Variants in SLCO3A1 observed in about 807,000 individuals in gnomAD.
The protein encoded by SLCO3A1 is PGE1 transporter.
A neutral mutation model predicts 63.1 loss-of-function variants in SLCO3A1; 27 were observed. The ratio of observed to expected loss-of-function variants is 0.43; its 90% CI spans 0.32 to 0.59. The LOEUF is 0.59. Ranked by LOEUF, SLCO3A1 falls within the 20% of genes least tolerant of loss-of-function variation. The probability of loss-of-function intolerance (pLI) is 0.09; values close to 1 mark genes in which losing one functional copy is unlikely to be tolerated. For synonymous variants in SLCO3A1, 473 were observed against 409.9 expected (o/e 1.15, Z -1.86); for missense variants, 773 against 945.8 (o/e 0.82, Z 2.40).
intron 2 of SLCO3A1, among the ~76,000 whole-genome samples, chr15:92,066,203 G>T (rs1390950119): frequency 6.6e-6 from 1 of 152,232 alleles, no homozygotes; most frequent in Non-Finnish European, 1.5e-5. Context: ...GCCAGGTCAA[G>T]TCTAGATTCC....
At chr15:91,876,298 G>A (rs1021455314) in intron 1 of SLCO3A1, among the ~76,000 whole-genome samples, 11 of 152,144 alleles carry the variant, frequency 7.2e-5, no homozygotes, top group Admixed American at 4.6e-4. Context: ...TACACATAGC[G>A]GATGCTCAAT....
In SLCO3A1 at chr15:91,894,307, A is replaced by G. The variant is rs968544725; in HGVS notation, c.181-21686A>G. On this transcript the variant is annotated intron_variant, in intron 1 of 9. Coordinates refer to ENST00000318445, the MANE Select transcript of SLCO3A1 (RefSeq NM_013272.4). The surrounding 1 kb of genome is among the most constrained non-coding windows in gnomAD (Gnocchi z 4.8). Reference sequence around the variant, plus strand: ...GGAGTTAGGATTTTATTCCAGGCCCATGGGGAGCCATTGGAAAATACTGAG... The same window carrying G: ...GGAGTTAGGATTTTATTCCAGGCCCGTGGGGAGCCATTGGAAAATACTGAG... Among the ~76,000 whole-genome samples the G allele has an allele frequency of 2.6e-5, 4 of 152,170 alleles. No individual in the cohort carries two copies. The highest frequency in any genetic ancestry group is 6.5e-5 in the Admixed American group (1 of 15,284).
At chr15:91,988,530 G>T (rs184413158) in intron 2 of SLCO3A1, among the ~76,000 whole-genome samples, 2 of 141,558 alleles carry the variant, frequency 1.4e-5, no homozygotes, top group African/African-American at 4.9e-5. Context: ...CATGAGACAC[G>T]ATAAAAAGGA....
At chr15:92,101,884 G>A (rs569423897) in intron 3 of SLCO3A1, among the ~76,000 whole-genome samples, 20 of 152,038 alleles carry the variant, frequency 1.3e-4, no homozygotes, top group Non-Finnish European at 2.2e-4. Context: ...GTGAGCCAGC[G>A]TCAGCTTTCC....
intron 7 of SLCO3A1, among the ~76,000 whole-genome samples, chr15:92,143,473 T>TATATTATATAATATATATAAA (rs2048176743): frequency 4.0e-5 from 1 of 24,704 alleles, no homozygotes; most frequent in African/African-American, 1.4e-4. Flanking sequence ...TATATAAATA[T>TATATTATATAATATATATAAA]ATATATATAT....
chr15:92,070,574 G>C (rs536783572), intron 2 of SLCO3A1, among the ~76,000 whole-genome samples: 74 of 152,056 alleles, frequency 4.9e-4, no homozygotes, highest in Middle Eastern at 3.4e-3. Flanking sequence ...ACCCCAGGAG[G>C]TGGAGGTTGC....
intron 2 of SLCO3A1, among the ~76,000 whole-genome samples, chr15:91,997,668 A>T (rs1008111158): frequency 6.6e-5 from 10 of 152,220 alleles, no homozygotes; most frequent in African/African-American, 2.4e-4. Context: ...GACTACATAG[A>T]CCAGTGGAGC....
At position 91,967,505 on chromosome 15, in the gene SLCO3A1, TGC is replaced by T. The variant is rs777757687; in HGVS notation, c.646+51048_646+51049del. On this transcript the variant is annotated intron_variant, in intron 2 of 9. Transcript: ENST00000318445. The surrounding 1 kb of genome is among the most constrained non-coding windows in gnomAD (Gnocchi z 4.4). ...CCCCACCTCTCCTGTAGGACTGAGG[TGC>T]CGTTGTGGGGACATAACGCAGAAGC... Among the ~76,000 whole-genome samples, 31 of 152,164 alleles carry T rather than the reference TGC, an allele frequency of 2.0e-4. No individual in the cohort carries two copies. Among genetic ancestry groups the T allele is most frequent in the Non-Finnish European group, 2.9e-4 (20 of 68,032 alleles).
chr15:91,932,060 G>A (rs1223292229), intron 2 of SLCO3A1, among the ~76,000 whole-genome samples: 3 of 152,086 alleles, frequency 2.0e-5, no homozygotes, highest in East Asian at 1.9e-4. Flanking sequence ...AGTGCATATC[G>A]TATGCAAGGC....
chr15:92,143,725 A>T (rs568080867), intron 7 of SLCO3A1, among the ~76,000 whole-genome samples: 63 of 151,234 alleles, frequency 4.2e-4, no homozygotes, highest in African/African-American at 1.5e-3. Context: ...TACTAAGGCA[A>T]GAGGTGGAGG....
rs2151346712 is a variant in SLCO3A1 at position 91,882,279 on chromosome 15, T to A, written c.180+28191T>A. On this transcript the variant is annotated intron_variant, in intron 1 of 9. Transcript: ENST00000318445. The surrounding 1 kb of genome is among the most constrained non-coding windows in gnomAD (Gnocchi z 4.4). ...CCTTCTCAAGCACGCAGTCAGGATG[T>A]GCATTTGCTGAGTGGAATTGTGGAC... 6.6e-6 allele frequency among the ~76,000 whole-genome samples: 1 copy of A among 152,316 alleles called. No homozygotes were observed. The highest frequency in any genetic ancestry group is 6.5e-5 in the Admixed American group (1 of 15,300).
intron 2 of SLCO3A1, among the ~76,000 whole-genome samples, chr15:92,060,284 G>T (rs905263530): frequency 3.9e-5 from 6 of 152,020 alleles, no homozygotes; most frequent in African/African-American, 1.4e-4. Context: ...AGCCAGCTGG[G>T]CTCGGTGGTT....
chr15:92,048,971 T>C (rs1339688843), intron 2 of SLCO3A1, among the ~76,000 whole-genome samples: 1 of 152,222 alleles, frequency 6.6e-6, no homozygotes, highest in African/African-American at 2.4e-5. Flanking sequence ...ATGAAATGAT[T>C]GGCTTTAGCC....
chr15:92,131,072 C>T (rs2047989655), intron 7 of SLCO3A1, among the ~76,000 whole-genome samples: 1 of 152,040 alleles, frequency 6.6e-6, no homozygotes, highest in South Asian at 2.1e-4. Flanking sequence ...TCCCAGCACC[C>T]TTGGGAAATA....
intron 2 of SLCO3A1, among the ~76,000 whole-genome samples, chr15:92,016,225 A>ATAGATAGATAGATAGATAGAT (rs2046426407): frequency 3.4e-5 from 3 of 89,230 alleles, no homozygotes; most frequent in African/African-American, 1.6e-4. Flanking sequence ...AGATAGATAG[A>ATAGATAGATAGATAGATAGAT]TAGATAGATA....
chr15:92,107,293 A>G (rs1202449827), intron 4 of SLCO3A1, among the ~76,000 whole-genome samples: 1 of 152,270 alleles, frequency 6.6e-6, no homozygotes, highest in Non-Finnish European at 1.5e-5. Flanking sequence ...AAGATTCCTT[A>G]AGAGCCAAAA....
chr15:91,966,238 A>G (rs1051379230), intron 2 of SLCO3A1, among the ~76,000 whole-genome samples: 1 of 152,116 alleles, frequency 6.6e-6, no homozygotes, highest in Admixed American at 6.5e-5. Context: ...AGGTCAGGAC[A>G]TTTTTGCTTT....
chr15:91,854,171 C>T lies in SLCO3A1; in HGVS notation c.180+83C>T. ...CCGCCTGGCCCGACGAGGGGGCCGC[C>T]CGGCGCTGGGGGCAGGCGGGCATGA... On this transcript the variant is annotated intron_variant, in intron 1 of 9. Transcript: ENST00000318445. The surrounding 1 kb of genome is among the most constrained non-coding windows in gnomAD (Gnocchi z 6.4). 8.0e-7 allele frequency: 1 copy of T among 1,243,586 alleles called. No individual in the cohort carries two copies. Among genetic ancestry groups the T allele is most frequent in the Non-Finnish European group, 1.0e-6 (1 of 969,000 alleles). 77.0% of individuals were successfully genotyped at this position (1,243,586 alleles called of 1,614,324 possible). A position where few individuals can be genotyped will look rare whatever the true frequency, so the allele number is the denominator to read the frequency against.
intron 2 of SLCO3A1, among the ~76,000 whole-genome samples, chr15:92,070,250 C>T (rs1329925865): frequency 6.6e-6 from 1 of 152,268 alleles, no homozygotes; most frequent in Non-Finnish European, 1.5e-5. Flanking sequence ...TGTGAAGGGA[C>T]TTCGAAAGTT....
Sources: gnomAD v4.1 joint callset for allele counts (sites outside exome capture counted in the v4.1 genomes callset) on GRCh38, gnomAD v4.1.1 for gene constraint, Gnocchi (gnomAD v3.1) non-coding constraint, MANE v1.5 for transcripts, NCBI Gene and HGNC (gene_info 2026-07-23, HGNC 2026-07-21) for gene names.